The following NVL variants were observed in gnomAD, a reference collection of about 807,000 sequenced individuals.
NVL encodes the protein nuclear valosin-containing protein-like.
In NVL, 84 loss-of-function variants were observed where a neutral mutation model predicts 110.2. That is an observed-to-expected ratio of 0.76 (90% CI 0.64 to 0.91). The LOEUF (loss-of-function observed/expected upper bound fraction) is 0.91. Ranked by LOEUF, NVL falls within the 40% of genes least tolerant of loss-of-function variation. NVL has a pLI of 0.00. For missense variants in NVL, 882 were observed against 1,035.9 expected (o/e 0.85, Z 2.04); for synonymous variants, 354 against 361.1 (o/e 0.98, Z 0.22).
At chr1:224,322,682 G>A (rs768410488) in intron 2 of NVL, among the ~76,000 whole-genome samples, 2 of 152,184 alleles carry the variant, frequency 1.3e-5, no homozygotes, top group Non-Finnish European at 2.9e-5. Context: ...CGCAGGGCGT[G>A]GTGGCTCATG....
At chr1:224,255,601 G>T (rs1020308593) in intron 18 of NVL, among the ~76,000 whole-genome samples, 25 of 152,066 alleles carry the variant, frequency 1.6e-4, no homozygotes, top group African/African-American at 6.0e-4. Context: ...TAAGAGACTG[G>T]GTCTCACTAC....
intron 17 of NVL, among the ~76,000 whole-genome samples, chr1:224,268,920 A>G (rs1449508645): frequency 2.0e-5 from 3 of 152,072 alleles, no homozygotes; most frequent in Non-Finnish European, 4.4e-5. Flanking sequence ...CGGCCTCCCA[A>G]AGTGCTGGGA....
At chr1:224,241,582 G>A (rs767302059) in intron 19 of NVL, among the ~76,000 whole-genome samples, 5 of 152,076 alleles carry the variant, frequency 3.3e-5, no homozygotes, top group East Asian at 1.9e-4. Flanking sequence ...TAGGCCAGGC[G>A]TGGTGGCTCA....
intron 2 of NVL, 114 bp downstream of exon 2, chr1:224,326,277 G>A: frequency 1.5e-6 from 1 of 672,342 alleles, no homozygotes; most frequent in Non-Finnish European, 2.6e-6. Flanking sequence ...TTATGGATTG[G>A]TGAACTAATG....
intron 10 of NVL, among the ~76,000 whole-genome samples, chr1:224,299,834 GT>G (rs76900008): frequency 0.074 from 11,051 of 149,530 alleles, 513 homozygotes; most frequent in African/African-American, 0.13. Context: ...TATTTAAAAT[GT>G]TTTTTTTTTC....
intron 2 of NVL, among the ~76,000 whole-genome samples, 170 bp from the exon 3 acceptor site, chr1:224,318,100 C>T (rs574853632): frequency 2.1e-5 from 2 of 96,932 alleles, no homozygotes; most frequent in African/African-American, 8.2e-5. Flanking sequence ...ACTATTGTGA[C>T]CTTTCTCCAT....
chr1:224,298,538 C>CT (rs1461238517), intron 10 of NVL: 3 of 220,826 alleles, frequency 1.4e-5, no homozygotes, highest in African/African-American at 6.9e-5. Context: ...GAAGTGCACT[C>CT]TGAGAACCAA....
intron 15 of NVL, among the ~76,000 whole-genome samples, chr1:224,281,810 G>A (rs552605024): frequency 5.4e-4 from 82 of 151,188 alleles, no homozygotes; most frequent in African/African-American, 1.7e-3. Context: ...AAAATTAGTC[G>A]GGCATGGTGG....
intron 12 of NVL, among the ~76,000 whole-genome samples, chr1:224,290,660 G>C (rs964715347): frequency 5.9e-5 from 9 of 152,096 alleles, no homozygotes; most frequent in Non-Finnish European, 1.0e-4. Flanking sequence ...AAATTAGCTG[G>C]GCGTGGTGGC....
At chr1:224,310,024 G>A (rs1360048877) in intron 5 of NVL, among the ~76,000 whole-genome samples, 4 of 151,576 alleles carry the variant, frequency 2.6e-5, no homozygotes, top group Non-Finnish European at 4.4e-5. Flanking sequence ...GCGAGACCCT[G>A]CCTGTAATTC....
At chr1:224,277,136 G>T (rs1399817013) in intron 16 of NVL, among the ~76,000 whole-genome samples, 1 of 151,812 alleles carries the variant, frequency 6.6e-6, no homozygotes, top group Non-Finnish European at 1.5e-5. Context: ...TGGAAAGCAG[G>T]GGTCCTATTC....
At chr1:224,253,579 A>T (rs1246995871) in intron 18 of NVL, among the ~76,000 whole-genome samples, 1 of 151,578 alleles carries the variant, frequency 6.6e-6, no homozygotes, top group Non-Finnish European at 1.5e-5. Flanking sequence ...CTAAAAATAC[A>T]AAAATTAGCT....
At chr1:224,318,048 C>A in intron 2 of NVL, 118 bp from the exon 3 acceptor site, 1 of 603,794 alleles carries the variant, frequency 1.7e-6, no homozygotes, top group South Asian at 2.6e-5. Context: ...AGTATAGACA[C>A]TTGCCATAAC....
intron 19 of NVL, among the ~76,000 whole-genome samples, chr1:224,240,441 G>C (rs555157855): frequency 1.6e-4 from 25 of 152,054 alleles, no homozygotes; most frequent in Admixed American, 5.9e-4. Flanking sequence ...TCAAACTCCT[G>C]ACCTTGTGAT....
rs1379647583 is a variant in NVL at position 224,268,144 on chromosome 1, A to G, written c.2083-11T>C. The G allele has an allele frequency of 1.9e-6, 3 of 1,595,328 alleles. No individual in the cohort carries two copies. Among genetic ancestry groups the G allele is most frequent in the South Asian group, 1.1e-5 (1 of 89,824 alleles). On this transcript the variant is annotated splice_polypyrimidine_tract_variant and intron_variant, in intron 17 of 22. Coordinates refer to ENST00000281701, the MANE Select transcript of NVL (RefSeq NM_002533.4). The stretch of plus-strand genomic sequence containing the variant: ...GACACTTGCCCCTGTCTAAAAAGAC[A>G]TAAATCTGGTTCCATCAGCTCTCAA...
At chr1:224,264,216 A>G (rs1423693407) in intron 18 of NVL, among the ~76,000 whole-genome samples, 1 of 151,844 alleles carries the variant, frequency 6.6e-6, no homozygotes, top group Non-Finnish European at 1.5e-5. Flanking sequence ...TTCCTGACCT[A>G]AAAATTGTGA....
chr1:224,273,634 C>T (rs1665427673), intron 17 of NVL, among the ~76,000 whole-genome samples: 1 of 152,004 alleles, frequency 6.6e-6, no homozygotes, highest in Admixed American at 6.6e-5. Flanking sequence ...GAGCTTCAAA[C>T]CAATTGAAGG....
chr1:224,227,774 C>T, intron 22 of NVL, 104 bp from the exon 23 acceptor site: 1 of 1,012,450 alleles, frequency 9.9e-7, no homozygotes, highest in East Asian at 2.7e-5. Flanking sequence ...CGCAGGACCT[C>T]AGAATGTGAT....
chr1:224,286,072 A>AGT lies in NVL; in HGVS notation c.1852_1853insAC (p.Val618AspfsTer25). 1 of 1,614,084 alleles carries AGT rather than the reference A, an allele frequency of 6.2e-7. No individual in the cohort carries two copies. Reference sequence around the variant, plus strand: ...ACAGCCAGGAGGACCAGCAAGGAGGACCCCAGCTGGAGTCACCAATCCAAG... The same window carrying AGT: ...ACAGCCAGGAGGACCAGCAAGGAGGAGTCCCCAGCTGGAGTCACCAATCCAAG... On this transcript the variant is annotated frameshift_variant, in exon 15 of 23. Transcript: ENST00000281701. LOFTEE classifies it high-confidence loss of function.
Sources: allele counts gnomAD v4.1 joint callset (sites outside exome capture counted in the v4.1 genomes callset), GRCh38; gene constraint gnomAD v4.1.1; transcripts MANE v1.5; gene names NCBI Gene and HGNC (gene_info 2026-07-23, HGNC 2026-07-21).